Variants in RNF111 observed in about 807,000 individuals in gnomAD.
The protein encoded by RNF111 is E3 ubiquitin-protein ligase Arkadia.
RNF111 carries 17 observed loss-of-function variants against 95.1 expected under a neutral mutation model. The ratio of observed to expected loss-of-function variants is 0.18; its 90% CI spans 0.12 to 0.27. The LOEUF (loss-of-function observed/expected upper bound fraction) is 0.27, where lower values mean the gene tolerates loss of function less well. RNF111 is among the 10% of genes least tolerant of loss of function. The pLI, the probability that RNF111 is intolerant of heterozygous loss-of-function variation, is 1.00. For synonymous variants in RNF111, 440 were observed against 414.8 expected (o/e 1.06, Z -0.74); for missense variants, 1,189 against 1,210.4 (o/e 0.98, Z 0.26).
At chr15:58,996,667 T>TTTTTTTTTA (rs2039089653) in intron 1 of RNF111, among the ~76,000 whole-genome samples, 1 of 149,058 alleles carries the variant, frequency 6.7e-6, no homozygotes, top group African/African-American at 2.5e-5. Context: ...TTTTTTTTTT[T>TTTTTTTTTA]TTTTTTTTTT....
At chr15:59,059,043 TGAGGGTG>T (rs2042321752) in intron 5 of RNF111, among the ~76,000 whole-genome samples, 1 of 152,058 alleles carries the variant, frequency 6.6e-6, no homozygotes, top group African/African-American at 2.4e-5. Context: ...TTTGAGGGGT[TGAGGGTG>T]GAGGATCACT....
At chr15:59,063,285 C>G (rs1159075509) in intron 5 of RNF111, among the ~76,000 whole-genome samples, 5 of 152,130 alleles carry the variant, frequency 3.3e-5, no homozygotes, top group Non-Finnish European at 5.9e-5. Context: ...TGTTAAAGGC[C>G]AGGACTTTCA....
chr15:59,016,309 A>C lies in RNF111; in HGVS notation c.-19-14495A>C, dbSNP rs923911958. 7.3e-4 allele frequency among the ~76,000 whole-genome samples: 111 copies of C among 152,056 alleles called. 1 individual carries two copies. The highest frequency in any genetic ancestry group is 2.6e-3 in the African/African-American group (109 of 41,484). ...CTCAGCCACTCGAGTAGCTGGGACT[A>C]CAGGCACGCACCACCACGCCCAGCT... is the stretch of plus-strand genomic sequence containing the variant. On this transcript the variant is annotated intron_variant, in intron 1 of 13. Transcript: ENST00000348370.
At chr15:59,089,422 C>T (rs930123674) in intron 10 of RNF111, among the ~76,000 whole-genome samples, 7 of 152,104 alleles carry the variant, frequency 4.6e-5, no homozygotes, top group Non-Finnish European at 7.4e-5. Flanking sequence ...CAATTTTACT[C>T]TTTTCAAGTT....
chr15:58,996,607 A>G (rs1276113977), intron 1 of RNF111, among the ~76,000 whole-genome samples: 3 of 150,462 alleles, frequency 2.0e-5, no homozygotes, highest in East Asian at 3.9e-4. Flanking sequence ...AAAAATTATG[A>G]AACAGAATTT....
At chr15:59,026,441 T>C (rs1370739221) in intron 1 of RNF111, among the ~76,000 whole-genome samples, 5 of 152,216 alleles carry the variant, frequency 3.3e-5, no homozygotes, top group African/African-American at 9.6e-5. Flanking sequence ...ACTAGTATTA[T>C]GGTTTCAGTA....
At chr15:59,010,981 C>T (rs974849054) in intron 1 of RNF111, among the ~76,000 whole-genome samples, 2 of 152,124 alleles carry the variant, frequency 1.3e-5, no homozygotes, top group African/African-American at 4.8e-5. Context: ...CTAATTTCCC[C>T]TTTTCTCCCT....
chr15:59,064,429 G>C (rs946748293), intron 5 of RNF111, among the ~76,000 whole-genome samples: 1 of 151,280 alleles, frequency 6.6e-6, no homozygotes, highest in South Asian at 2.1e-4. Context: ...CCAGCTACTC[G>C]GGAGGCTGAG....
chr15:59,015,759 A>G (rs1388374249), intron 1 of RNF111, among the ~76,000 whole-genome samples: 1 of 151,888 alleles, frequency 6.6e-6, no homozygotes, highest in African/African-American at 2.4e-5. Flanking sequence ...TTTGACTTGG[A>G]TGTGACTTTC....
chr15:59,071,512 G>A (rs1596271924), intron 6 of RNF111, among the ~76,000 whole-genome samples: 1 of 151,848 alleles, frequency 6.6e-6, no homozygotes, highest in South Asian at 2.1e-4. Context: ...GTGAAACCCC[G>A]TTTCTAACAA....
Position 58,998,357 on chromosome 15 carries a change from C to T in RNF111, c.-20+10289C>T, listed in dbSNP as rs2039176008. On this transcript the variant is annotated intron_variant, in intron 1 of 13. Transcript: ENST00000348370. ...ATTATTTCACCACCCAGGTATTAAGCCTAGTACCTGTTAGTTATTTTTCCT... is the reference window on the plus strand; with the variant it reads ...ATTATTTCACCACCCAGGTATTAAGTCTAGTACCTGTTAGTTATTTTTCCT... 1.3e-5 allele frequency among the ~76,000 whole-genome samples: 2 copies of T among 151,764 alleles called. 1 individual carries two copies. Among genetic ancestry groups the T allele is most frequent in the Admixed American group, 1.3e-4 (2 of 15,216 alleles).
Position 59,018,500 on chromosome 15 carries a change from T to C in RNF111, c.-19-12304T>C, listed in dbSNP as rs118083049. Among the ~76,000 whole-genome samples, 5 of 152,324 alleles carry C rather than the reference T, an allele frequency of 3.3e-5. No individual in the cohort carries two copies. In the East Asian group the frequency reaches 9.6e-4, roughly 29 times the overall value. The stretch of plus-strand genomic sequence containing the variant: ...TTAAATATATTATGTTCTCATAATT[T>C]ATTTCCTTAAAAAATCTTTAATTTC... On this transcript the variant is annotated intron_variant, in intron 1 of 13. Transcript: ENST00000348370.
At position 59,076,034 on chromosome 15, in the gene RNF111, C is replaced by A. The variant is rs1257314286; in HGVS notation, c.1767C>A (p.Asp589Glu). 1.2e-6 allele frequency: 2 copies of A among 1,614,194 alleles called. No individual in the cohort carries two copies. Among genetic ancestry groups the A allele is most frequent in the East Asian group, 4.5e-5 (2 of 44,874 alleles). ...GTTTTCATGGAGCATCTGCATTTGA[C>A]CCCTGCTGCCCTGTTTCTTCCTCCC... ...SGSFHGASAFDPCCPVSSSRA... is the reference protein window; with the variant it reads ...SGSFHGASAFEPCCPVSSSRA... The change falls in exon 7 of 14, where the codon GAC becomes GAA. Residue 589 changes from aspartate to glutamate, a missense_variant. Around this residue, in one of 2 missense-constraint regions of RNF111, gnomAD observed 1,024 missense variants for 925.9 expected, o/e 1.11. Coordinates refer to ENST00000348370, the MANE Select transcript of RNF111 (RefSeq NM_017610.8).
intron 1 of RNF111, among the ~76,000 whole-genome samples, chr15:59,006,271 A>G (rs2039537013): frequency 6.6e-6 from 1 of 152,256 alleles, no homozygotes; most frequent in Admixed American, 6.5e-5. Context: ...GAATTTTGGC[A>G]AATGTGTCTG....
intron 1 of RNF111, among the ~76,000 whole-genome samples, chr15:59,011,725 T>G (rs1365578153): frequency 1.3e-5 from 2 of 152,194 alleles, no homozygotes; most frequent in East Asian, 3.8e-4. Flanking sequence ...TTAGGACCCA[T>G]TCATATGACT....
rs1158536453 is a variant in RNF111, at chr15:59,031,039, A to C, written c.217A>C (p.Lys73Gln). 1 of 1,614,150 alleles carries C rather than the reference A, an allele frequency of 6.2e-7. No individual in the cohort carries two copies. The highest frequency in any genetic ancestry group is 2.2e-5 in the East Asian group (1 of 44,904). Reference protein sequence around the residue: ...EFSHLCDDSQKQEKEMNGNQQ... With the variant: ...EFSHLCDDSQQQEKEMNGNQQ... ...CTCTCACCTGTGTGATGATTCTCAA[A>C]AGCAAGAGAAGGAAATGAATGGTAA... The change falls in exon 2 of 14, where the codon AAG becomes CAG. Residue 73 changes from lysine (K) to glutamine (Q), a missense_variant. Around this residue, in one of 2 missense-constraint regions of RNF111, gnomAD observed 1,024 missense variants for 925.9 expected, o/e 1.11. Transcript: ENST00000348370.
rs138033000 is a variant in RNF111 at position 59,082,069 on chromosome 15, C to T, written c.2297+785C>T. On this transcript the variant is annotated intron_variant, in intron 8 of 13. Coordinates refer to ENST00000348370, the MANE Select transcript of RNF111 (RefSeq NM_017610.8). ...CTGCAGCCTGGGTGACACAGGGAGA[C>T]CCTGTCTCTCCCCCTCTCCCCAAAA... 4.4e-3 allele frequency among the ~76,000 whole-genome samples: 666 copies of T among 152,268 alleles called. 4 individuals are homozygous for T. The highest frequency in any genetic ancestry group is 0.041 in the Middle Eastern group (12 of 294).
intron 1 of RNF111, among the ~76,000 whole-genome samples, chr15:59,012,591 A>T (rs17269482): frequency 0.063 from 9,568 of 152,244 alleles, 399 homozygotes; most frequent in Non-Finnish European, 0.098. Context: ...AGAAGATGAC[A>T]TGATTGGATG....
chr15:59,045,744 G>A (rs1236619751), intron 2 of RNF111, among the ~76,000 whole-genome samples: 12 of 152,092 alleles, frequency 7.9e-5, no homozygotes, highest in African/African-American at 2.4e-4. Flanking sequence ...TAATTAACAA[G>A]TAACATGTCT....
Sources: allele counts gnomAD v4.1 joint callset (sites outside exome capture counted in the v4.1 genomes callset), GRCh38; gene constraint gnomAD v4.1.1; regional missense constraint gnomAD v4.1.1; transcripts MANE v1.5; gene names NCBI Gene and HGNC (gene_info 2026-07-23, HGNC 2026-07-21).